GRIN2B: variants seen among roughly 807,000 people sequenced by gnomAD.
GRIN2B encodes glutamate receptor ionotropic, NMDA 2B.
GRIN2B carries 5 observed loss-of-function variants against 114.5 expected under a neutral mutation model. That is an observed-to-expected ratio of 0.04 (90% CI 0.02 to 0.09). The LOEUF (loss-of-function observed/expected upper bound fraction) is 0.09. Among genes scored for constraint, GRIN2B ranks in the 10% least tolerant of loss-of-function variants. GRIN2B has a pLI of 1.00. For missense variants in GRIN2B, 1,108 were observed against 1,943.5 expected (o/e 0.57, Z 8.08); for synonymous variants, 787 against 745.1 (o/e 1.06, Z -0.92).
intron 6 of GRIN2B, among the ~76,000 whole-genome samples, chr12:13,616,060 C>A (rs1404436118): frequency 1.3e-5 from 2 of 152,138 alleles, no homozygotes; most frequent in Non-Finnish European, 2.9e-5. Flanking sequence ...CCAAGGAGAA[C>A]CATTATCCTG....
chr12:13,852,836 A>G (rs1211447166), intron 3 of GRIN2B, among the ~76,000 whole-genome samples: 2 of 152,032 alleles, frequency 1.3e-5, no homozygotes, highest in African/African-American at 2.4e-5. Flanking sequence ...AAAAGACACT[A>G]TATCAGGTAA....
chr12:13,898,051 A>AG (rs1008866271), intron 2 of GRIN2B, among the ~76,000 whole-genome samples: 1 of 151,864 alleles, frequency 6.6e-6, no homozygotes, highest in African/African-American at 2.4e-5. Context: ...ACCTTTATAC[A>AG]GCACTAGCTC....
intron 3 of GRIN2B, among the ~76,000 whole-genome samples, chr12:13,776,183 C>A (rs554746923): frequency 6.6e-6 from 1 of 152,176 alleles, no homozygotes; most frequent in Non-Finnish European, 1.5e-5. Context: ...GGAACAGAAA[C>A]CAAATACCAC....
chr12:13,745,260 C>T (rs1213245063), intron 4 of GRIN2B, among the ~76,000 whole-genome samples: 2 of 152,112 alleles, frequency 1.3e-5, no homozygotes, highest in African/African-American at 4.8e-5. Flanking sequence ...GCAACTCATC[C>T]CCATCCTTAC....
At chr12:13,710,838 G>A (rs1440854669) in intron 4 of GRIN2B, among the ~76,000 whole-genome samples, 2 of 152,060 alleles carry the variant, frequency 1.3e-5, no homozygotes. Context: ...TCCCCATCAA[G>A]CTACCAATGA....
chr12:13,563,128 C>G lies in GRIN2B; in HGVS notation c.4110G>C (p.Gly1370=), dbSNP rs1948571562. 6.2e-7 allele frequency: 1 copy of G among 1,614,154 alleles called. No homozygotes were observed. Among genetic ancestry groups the G allele is most frequent in the Non-Finnish European group, 8.5e-7 (1 of 1,180,042 alleles). The change falls in exon 14 of 14, where the codon GGG becomes GGC. Residue 1370 remains glycine, a synonymous_variant. Transcript: ENST00000609686. ...GGTAGAGCGACTTGCTGAGCATGTA[C>G]CCGCCGCCGGGGTTGTTGTGGTGGT... is the stretch of plus-strand genomic sequence containing the variant. ...GHHHHNNPGG[G]YMLSKSLYPD...
At chr12:13,850,696 C>G (rs1404766351) in intron 3 of GRIN2B, among the ~76,000 whole-genome samples, 2 of 152,086 alleles carry the variant, frequency 1.3e-5, no homozygotes, top group Non-Finnish European at 2.9e-5. Context: ...CCAGTTAGCC[C>G]CTGTTGCAAT....
chr12:13,792,512 C>G (rs1230346534), intron 3 of GRIN2B, among the ~76,000 whole-genome samples: 1 of 152,166 alleles, frequency 6.6e-6, no homozygotes, highest in Non-Finnish European at 1.5e-5. Context: ...CATGACCATC[C>G]AGCTTTGGTG....
intron 3 of GRIN2B, among the ~76,000 whole-genome samples, chr12:13,839,033 C>T (rs1289136300): frequency 1.3e-5 from 2 of 152,140 alleles, no homozygotes; most frequent in Non-Finnish European, 2.9e-5. Context: ...AGCATATTCA[C>T]CCATTCACTC....
intron 2 of GRIN2B, among the ~76,000 whole-genome samples, chr12:13,870,843 A>G (rs756870105): frequency 3.3e-5 from 5 of 152,168 alleles, no homozygotes; most frequent in Non-Finnish European, 7.4e-5. Context: ...CACATTAGAG[A>G]GTGGGGAAAC....
intron 4 of GRIN2B, among the ~76,000 whole-genome samples, chr12:13,733,764 CAT>C (rs1032998887): frequency 6.6e-6 from 1 of 152,118 alleles, no homozygotes; most frequent in Non-Finnish European, 1.5e-5. Context: ...TGGAAAGAAA[CAT>C]AGAAGTTCAA....
intron 4 of GRIN2B, among the ~76,000 whole-genome samples, chr12:13,703,068 G>T (rs1473662364): frequency 6.6e-6 from 1 of 152,146 alleles, no homozygotes; most frequent in Non-Finnish European, 1.5e-5. Context: ...TGCCATGTGG[G>T]TTAAACTGTT....
chr12:13,585,424 C>T (rs937343562), intron 10 of GRIN2B, among the ~76,000 whole-genome samples: 1 of 152,118 alleles, frequency 6.6e-6, no homozygotes, highest in African/African-American at 2.4e-5. Flanking sequence ...CATTGTGACC[C>T]ACTTACAGCC....
At chr12:13,910,961 C>G (rs773076579) in intron 2 of GRIN2B, among the ~76,000 whole-genome samples, 2 of 152,072 alleles carry the variant, frequency 1.3e-5, no homozygotes, top group African/African-American at 2.4e-5. Flanking sequence ...TCCTTCTCTC[C>G]TTGTCTAGCC....
At position 13,866,109 on chromosome 12, in the gene GRIN2B, TG is replaced by T; in HGVS notation, c.99del (p.Ser34AlafsTer38). On this transcript the variant is annotated frameshift_variant, in exon 3 of 14. Coordinates refer to ENST00000609686, the MANE Select transcript of GRIN2B (RefSeq NM_000834.5). LOFTEE classifies it high-confidence loss of function. ...ACGAGGATGACAGCAATGCCAATGC[TG>T]GGGGGGCTCTTCTGAGAACGAGCTC... ...GSRARSQKSP[P>X]SIGIAVILVG... 1 of 1,613,698 alleles carries T rather than the reference TG, an allele frequency of 6.2e-7. No homozygotes were observed.
chr12:13,578,625 A>G (rs1948807325), intron 10 of GRIN2B, among the ~76,000 whole-genome samples: 1 of 152,230 alleles, frequency 6.6e-6, no homozygotes, highest in Admixed American at 6.5e-5. Context: ...TCTGACCCAC[A>G]AACCAGTAAA....
chr12:13,593,063 G>A (rs1014265454), intron 10 of GRIN2B, among the ~76,000 whole-genome samples: 1 of 152,058 alleles, frequency 6.6e-6, no homozygotes, highest in Non-Finnish European at 1.5e-5. Flanking sequence ...TAATTTTTCA[G>A]ATGCTGTAAG....
intron 13 of GRIN2B, 98 bp downstream of exon 13, chr12:13,566,927 G>A: frequency 2.4e-6 from 2 of 841,042 alleles, no homozygotes; most frequent in South Asian, 1.3e-5. Flanking sequence ...TGAGCAACAT[G>A]GGGGTGGAGA....
rs1948528558 is a variant in GRIN2B, at chr12:13,560,547, T to C, written c.*2236A>G. 6.6e-6 allele frequency: 1 copy of C among 152,222 alleles called. No homozygotes were observed. Among genetic ancestry groups the C allele is most frequent in the South Asian group, 2.1e-4 (1 of 4,824 alleles). The allele number at this position is 152,222 out of a possible 1,614,324, so 9.4% of individuals were successfully genotyped here. ...GTGAGGTAAGAGGAAGATGAGGGGATGAGTCCCTGACCCCTGGACAGAGTC... is the reference window on the plus strand; with the variant it reads ...GTGAGGTAAGAGGAAGATGAGGGGACGAGTCCCTGACCCCTGGACAGAGTC... On this transcript the variant is annotated 3_prime_UTR_variant, in exon 14 of 14. Transcript: ENST00000609686.
Sources: allele counts gnomAD v4.1 joint callset (sites outside exome capture counted in the v4.1 genomes callset), GRCh38; gene constraint gnomAD v4.1.1; transcripts MANE v1.5; gene names NCBI Gene and HGNC (gene_info 2026-07-23, HGNC 2026-07-21).